HIPK3: variants seen among roughly 807,000 people sequenced by gnomAD.
The protein encoded by HIPK3 is homeodomain interacting protein kinase 3.
A neutral mutation model predicts 124.2 loss-of-function variants in HIPK3; 47 were observed. That is an observed-to-expected ratio of 0.38 (90% CI 0.30 to 0.48). The LOEUF (loss-of-function observed/expected upper bound fraction) is 0.48, where lower values mean the gene tolerates loss of function less well. Ranked by LOEUF, HIPK3 falls within the 20% of genes least tolerant of loss-of-function variation. The probability of loss-of-function intolerance (pLI) is 0.98; values close to 1 mark genes in which losing one functional copy is unlikely to be tolerated. For synonymous variants in HIPK3, 482 were observed against 515.2 expected (o/e 0.94, Z 0.87); for missense variants, 1,286 against 1,454.3 (o/e 0.88, Z 1.88).
At chr11:33,335,615 G>A (rs1282714310) in intron 3 of HIPK3, 2 of 152,018 alleles carry the variant, frequency 1.3e-5, no homozygotes, top group Admixed American at 6.6e-5. Flanking sequence ...AGGGTAAGAC[G>A]AGAGAGTTAA....
At chr11:33,342,193 C>T (rs1156676680) in intron 8 of HIPK3, among the ~76,000 whole-genome samples, 3 of 151,266 alleles carry the variant, frequency 2.0e-5, no homozygotes, top group Non-Finnish European at 2.9e-5. Flanking sequence ...CCGTTACAGT[C>T]ATCACTAACA....
In HIPK3 at chr11:33,353,651, A is replaced by G. The variant is rs1229669264; in HGVS notation, c.*83A>G. On this transcript the variant is annotated 3_prime_UTR_variant, in exon 17 of 17. Transcript: ENST00000303296. ...GGTATTTAATATTAGCCATGGCACA[A>G]GAAAATTATTTTTGAATCATGTAGA... 1 of 965,094 alleles carries G rather than the reference A, an allele frequency of 1.0e-6. No homozygotes were observed. 59.8% of individuals were successfully genotyped at this position (965,094 alleles called of 1,614,324 possible).
chr11:33,296,042 T>G (rs1851835051), intron 2 of HIPK3, among the ~76,000 whole-genome samples: 1 of 152,222 alleles, frequency 6.6e-6, no homozygotes, highest in Non-Finnish European at 1.5e-5. Flanking sequence ...GTTCCTCTAT[T>G]AGGAATTCTT....
Position 33,348,586 on chromosome 11 carries a change from G to A in HIPK3, c.2434G>A (p.Gly812Arg), listed in dbSNP as rs758421783. 6.2e-7 allele frequency: 1 copy of A among 1,613,600 alleles called. No homozygotes were observed. The highest frequency in any genetic ancestry group is 1.1e-5 in the South Asian group (1 of 91,060). ...ATTTATTTCTCCAAAGATAATTAAT[G>A]GGAAAGATGTCGAGGAAGTAAGTTG... ...SAFISPKIIN[G>R]KDVEEVSCIE... Residue 812 changes from glycine (G) to arginine (R), a missense_variant, in exon 13 of 17, where the codon GGG (glycine) becomes AGG (arginine). Physicochemically the swap from Gly to Arg is moderately radical, Grantham distance 125. Coordinates refer to ENST00000303296, the MANE Select transcript of HIPK3 (RefSeq NM_005734.5).
Position 33,353,021 on chromosome 11 carries a change from T to G in HIPK3, c.3172-71T>G, listed in dbSNP as rs445006. On this transcript the variant is annotated intron_variant, in intron 16 of 16. Coordinates refer to ENST00000303296, the MANE Select transcript of HIPK3 (RefSeq NM_005734.5). ...CAATCACAAAGGGTATATTGTAATT[T>G]CCCTTTCTTTCTTTCCTTTTATCTT... 3.6e-3 allele frequency: 3,315 copies of G among 920,816 alleles called. 77 individuals carry two copies. The African/African-American group carries it at 0.048, about 13-fold the overall frequency. The allele number at this position is 920,816 out of a possible 1,614,324, so 57.0% of individuals were successfully genotyped here. A position where few individuals can be genotyped will look rare whatever the true frequency, so the allele number is the denominator to read the frequency against.
intron 2 of HIPK3, among the ~76,000 whole-genome samples, chr11:33,326,339 A>G (rs761110751): frequency 4.6e-4 from 70 of 152,082 alleles, no homozygotes; most frequent in Non-Finnish European, 9.0e-4. Context: ...AAGATTGAGA[A>G]CCACTGCCTT....
At chr11:33,320,064 A>G (rs1159791573) in intron 2 of HIPK3, among the ~76,000 whole-genome samples, 1 of 152,216 alleles carries the variant, frequency 6.6e-6, no homozygotes, top group Non-Finnish European at 1.5e-5. Flanking sequence ...TTTTAAATGC[A>G]GAGGTCTTGA....
chr11:33,348,394 T>C (rs763160133), intron 12 of HIPK3, 128 bp from the exon 13 acceptor site: 15 of 1,001,920 alleles, frequency 1.5e-5, no homozygotes, highest in Non-Finnish European at 2.2e-5. Context: ...ACTCAAGATC[T>C]GTTAGTGTGT....
Position 33,257,663 on chromosome 11 carries a change from C to T in HIPK3, c.-229C>T, listed in dbSNP as rs1360498805. ...GGGAGACGGGCCCGGCGCTTAGCAGCCAGAGCAGCAGCAGCAGCAGCAGCG... is the reference window on the plus strand; with the variant it reads ...GGGAGACGGGCCCGGCGCTTAGCAGTCAGAGCAGCAGCAGCAGCAGCAGCG... On this transcript the variant is annotated 5_prime_UTR_variant, in exon 1 of 17. Coordinates refer to ENST00000303296, the MANE Select transcript of HIPK3 (RefSeq NM_005734.5). 3.0e-6 allele frequency: 3 copies of T among 993,144 alleles called. No homozygotes were observed. Among genetic ancestry groups the T allele is most frequent in the African/African-American group, 1.8e-5 (1 of 57,138 alleles). 61.5% of individuals were successfully genotyped at this position (993,144 alleles called of 1,614,324 possible).
chr11:33,287,321 C>T lies in HIPK3; in HGVS notation c.907C>T (p.Leu303Phe). 3.1e-6 allele frequency: 5 copies of T among 1,614,144 alleles called. No individual in the cohort carries two copies. The highest frequency in any genetic ancestry group is 4.2e-6 in the Non-Finnish European group (5 of 1,180,012). Residue 303 changes from leucine (L) to phenylalanine (F), a missense_variant, in exon 2 of 17, where the codon CTT (leucine) becomes TTT (phenylalanine). Coordinates refer to ENST00000303296, the MANE Select transcript of HIPK3 (RefSeq NM_005734.5). ...GCCACTAAAAGTGATTCGGCCCATT[C>T]TTCAACAAGTGGCCACTGCACTGAA... ...PLPLKVIRPI[L>F]QQVATALKKL...
intron 2 of HIPK3, among the ~76,000 whole-genome samples, chr11:33,313,571 A>G (rs1852408814): frequency 6.6e-6 from 1 of 152,320 alleles, no homozygotes; most frequent in East Asian, 1.9e-4. Context: ...CATTTGGGGA[A>G]TCTAGTTGAG....
rs1314463866 is a variant in HIPK3, at chr11:33,349,203, T to C, written c.2723T>C (p.Met908Thr). 1 of 1,613,738 alleles carries C rather than the reference T, an allele frequency of 6.2e-7. No individual in the cohort carries two copies. The highest frequency in any genetic ancestry group is 1.7e-5 in the Admixed American group (1 of 59,998). ...ACQSTLNIDR[M>T]CSLSSPDSTL... Reference sequence around the variant, plus strand: ...CAGAGCACTTTGAATATTGATCGGATGTGTTCATTAAGTAGTCCTGATAGT... The same window carrying C: ...CAGAGCACTTTGAATATTGATCGGACGTGTTCATTAAGTAGTCCTGATAGT... Residue 908 changes from methionine (M) to threonine (T), a missense_variant, in exon 14 of 17, where the codon ATG becomes ACG. Met to Thr is a moderately conservative substitution (Grantham distance 81). Around this residue, in one of 3 missense-constraint regions of HIPK3, gnomAD observed 810 missense variants for 864.9 expected, o/e 0.94. Coordinates refer to ENST00000303296, the MANE Select transcript of HIPK3 (RefSeq NM_005734.5).
chr11:33,258,425 G>A, intron 1 of HIPK3: 1 of 985,560 alleles, frequency 1.0e-6, no homozygotes, highest in Non-Finnish European at 1.2e-6. Flanking sequence ...CCCCAGCGTC[G>A]CGGAGCAGCG....
At chr11:33,274,912 C>G (rs1237808060) in intron 1 of HIPK3, among the ~76,000 whole-genome samples, 1 of 152,152 alleles carries the variant, frequency 6.6e-6, no homozygotes, top group African/African-American at 2.4e-5. Context: ...GCTTTGTTCA[C>G]AATACTGCTG....
chr11:33,338,021 T>C (rs937406913), intron 4 of HIPK3, among the ~76,000 whole-genome samples: 3 of 152,160 alleles, frequency 2.0e-5, no homozygotes, highest in Non-Finnish European at 2.9e-5. Flanking sequence ...TCACTAACTC[T>C]CTAATTCAGC....
intron 16 of HIPK3, 95 bp from the exon 17 acceptor site, chr11:33,352,997 A>G (rs1853710645): frequency 9.6e-6 from 7 of 725,772 alleles, no homozygotes; most frequent in Middle Eastern, 3.1e-4. Context: ...ATGAGTTATC[A>G]ATCACAAAGG....
At chr11:33,258,078 T>C (rs1850715619) in intron 1 of HIPK3, among the ~76,000 whole-genome samples, 189 bp downstream of exon 1, 1 of 151,880 alleles carries the variant, frequency 6.6e-6, no homozygotes, top group South Asian at 2.1e-4. Context: ...GTTTCCGCCC[T>C]AGCCCCTGCA....
At chr11:33,318,955 T>C (rs946178486) in intron 2 of HIPK3, among the ~76,000 whole-genome samples, 6 of 152,342 alleles carry the variant, frequency 3.9e-5, no homozygotes, top group Middle Eastern at 3.4e-3. Flanking sequence ...AAAGAGGCTT[T>C]AGAATCAGGG....
chr11:33,265,075 CTTAAA>C (rs1850918119), intron 1 of HIPK3, among the ~76,000 whole-genome samples: 1 of 152,176 alleles, frequency 6.6e-6, no homozygotes, highest in Admixed American at 6.5e-5. Flanking sequence ...CAAAGAATGA[CTTAAA>C]TTAATACTTC....
Sources: allele counts gnomAD v4.1 joint callset (sites outside exome capture counted in the v4.1 genomes callset), GRCh38; gene constraint gnomAD v4.1.1; regional missense constraint gnomAD v4.1.1; transcripts MANE v1.5; gene names NCBI Gene and HGNC (gene_info 2026-07-23, HGNC 2026-07-21).